DAB2IP: variants seen among roughly 807,000 people sequenced by gnomAD.
DAB2IP encodes disabled homolog 2-interacting protein.
DAB2IP carries 28 observed loss-of-function variants against 107.2 expected under a neutral mutation model. That is an observed-to-expected ratio of 0.26 (90% CI 0.19 to 0.36). The LOEUF (loss-of-function observed/expected upper bound fraction) is 0.36, where lower values mean the gene tolerates loss of function less well. Among genes scored for constraint, DAB2IP ranks in the 10% least tolerant of loss-of-function variants. DAB2IP has a pLI of 1.00. For synonymous variants in DAB2IP, 755 were observed against 706.4 expected (o/e 1.07, Z -1.09); for missense variants, 1,400 against 1,644.7 (o/e 0.85, Z 2.57).
chr9:121,706,362 AG>A (rs1199971905), intron 3 of DAB2IP, among the ~76,000 whole-genome samples: 2 of 152,112 alleles, frequency 1.3e-5, no homozygotes, highest in Non-Finnish European at 2.9e-5. Flanking sequence ...CTATCGCTGC[AG>A]GGAAGCCACC....
intron 1 of DAB2IP, among the ~76,000 whole-genome samples, chr9:121,641,861 T>TTTTC (rs529991056): frequency 7.0e-6 from 1 of 142,822 alleles, no homozygotes. Context: ...TCTTTCTTTC[T>TTTTC]TTTCTTTCTT....
intron 2 of DAB2IP, among the ~76,000 whole-genome samples, chr9:121,686,537 T>C (rs1828887504): frequency 6.6e-6 from 1 of 152,222 alleles, no homozygotes; most frequent in Non-Finnish European, 1.5e-5. Flanking sequence ...ATGCTCTCTG[T>C]GGGGGCCTTT....
At chr9:121,732,565 G>A (rs1364473921) in intron 3 of DAB2IP, among the ~76,000 whole-genome samples, 1 of 152,156 alleles carries the variant, frequency 6.6e-6, no homozygotes, top group African/African-American at 2.4e-5. Context: ...GAGGAAGGGA[G>A]TAGGGAGGCT....
At chr9:121,659,559 C>T (rs1204504012) in intron 1 of DAB2IP, among the ~76,000 whole-genome samples, 2 of 152,004 alleles carry the variant, frequency 1.3e-5, no homozygotes, top group Non-Finnish European at 2.9e-5. Flanking sequence ...TTTGGGAGGC[C>T]GAGGTGGGCG....
At chr9:121,682,227 C>T (rs1031712366) in intron 2 of DAB2IP, among the ~76,000 whole-genome samples, 2 of 152,228 alleles carry the variant, frequency 1.3e-5, no homozygotes, top group African/African-American at 4.8e-5. Context: ...GACTTTTGCT[C>T]TGTGTAGACC....
In DAB2IP at chr9:121,736,847, C is replaced by T. The variant is rs1341319258; in HGVS notation, c.363-20166C>T. Among the ~76,000 whole-genome samples, 1 of 152,222 alleles carries T rather than the reference C, an allele frequency of 6.6e-6. No homozygotes were observed. The highest frequency in any genetic ancestry group is 1.5e-5 in the Non-Finnish European group (1 of 68,046). On this transcript the variant is annotated intron_variant, in intron 3 of 15. Coordinates refer to ENST00000408936, the Ensembl canonical transcript of DAB2IP. The surrounding 1 kb of genome is among the most constrained non-coding windows in gnomAD (Gnocchi z 4.6). ...GCTGGGCTTACCGGGGCGTGCAGGT[C>T]CCTGTTCTCGTGGACCGGACATTTT... is the stretch of plus-strand genomic sequence containing the variant.
intron 3 of DAB2IP, chr9:121,737,757 G>A (rs1354503379): frequency 1.0e-6 from 1 of 985,338 alleles, no homozygotes; most frequent in East Asian, 1.1e-4. Context: ...GACACCACAA[G>A]GAAACTTCCT....
At chr9:121,728,040 G>A (rs1010924116) in intron 3 of DAB2IP, among the ~76,000 whole-genome samples, 21 of 152,134 alleles carry the variant, frequency 1.4e-4, no homozygotes, top group African/African-American at 5.1e-4. Context: ...TCTTTTTTGG[G>A]CTCAGGGCAT....
intron 2 of DAB2IP, among the ~76,000 whole-genome samples, chr9:121,685,679 T>A (rs1828840071): frequency 2.0e-5 from 3 of 152,256 alleles, no homozygotes; most frequent in Non-Finnish European, 4.4e-5. Flanking sequence ...TTCGATAAAT[T>A]TGCCATCATC....
At chr9:121,763,693 C>T (rs775260570) in intron 7 of DAB2IP, 42 bp from the exon 8 acceptor site, 81 of 1,611,854 alleles carry the variant, frequency 5.0e-5, no homozygotes, top group Middle Eastern at 1.7e-4. Context: ...GGGCAGGGCC[C>T]GCCAGGTCCT....
intron 1 of DAB2IP, among the ~76,000 whole-genome samples, chr9:121,580,940 T>C (rs1325496987): frequency 2.6e-5 from 4 of 152,076 alleles, no homozygotes; most frequent in Non-Finnish European, 5.9e-5. Flanking sequence ...TCTAAGAACT[T>C]TGAGTGATTC....
rs562287298 is a variant in DAB2IP at position 121,662,538 on chromosome 9, A to G, written c.124+10639A>G. 1.3e-5 allele frequency among the ~76,000 whole-genome samples: 2 copies of G among 152,342 alleles called. No individual in the cohort carries two copies. Among genetic ancestry groups the G allele is most frequent in the East Asian group, 1.9e-4 (1 of 5,188 alleles). On this transcript the variant is annotated intron_variant, in intron 1 of 15. Coordinates refer to ENST00000408936, the Ensembl canonical transcript of DAB2IP. The surrounding 1 kb of genome is among the most constrained non-coding windows in gnomAD (Gnocchi z 4.6). ...TGTCTATAGCTGCTTTCACGCTACA[A>G]TGGCAGAGTTGAATAGCTGAGACAG...
At chr9:121,663,267 G>A (rs777511580) in intron 1 of DAB2IP, among the ~76,000 whole-genome samples, 2 of 152,158 alleles carry the variant, frequency 1.3e-5, no homozygotes, top group Non-Finnish European at 2.9e-5. Flanking sequence ...GACTATTAAC[G>A]CGGCCAACCA....
chr9:121,669,212 G>A (rs1487746338), intron 1 of DAB2IP, among the ~76,000 whole-genome samples: 2 of 152,108 alleles, frequency 1.3e-5, no homozygotes, highest in Admixed American at 6.5e-5. Context: ...GATTACAGGC[G>A]TGAGCTACCG....
chr9:121,726,870 CT>C (rs1831262740), intron 3 of DAB2IP, among the ~76,000 whole-genome samples: 1 of 152,154 alleles, frequency 6.6e-6, no homozygotes, highest in East Asian at 1.9e-4. Context: ...GGAAGGGTCT[CT>C]TTCCCCACCC....
At chr9:121,644,288 GGAAA>G (rs1244170891) in intron 1 of DAB2IP, among the ~76,000 whole-genome samples, 3 of 151,586 alleles carry the variant, frequency 2.0e-5, no homozygotes, top group African/African-American at 4.8e-5. Flanking sequence ...AGAGAAAGAA[GGAAA>G]GAAAGAAAAG....
At chr9:121,705,325 T>C (rs551548684) in intron 3 of DAB2IP, among the ~76,000 whole-genome samples, 3 of 152,362 alleles carry the variant, frequency 2.0e-5, no homozygotes, top group South Asian at 2.1e-4. Context: ...AATGTCCTTA[T>C]ACATGTCTGT....
chr9:121,776,158 G>A lies in DAB2IP; in HGVS notation c.3121-40G>A. 1 of 1,552,710 alleles carries A rather than the reference G, an allele frequency of 6.4e-7. No individual in the cohort carries two copies. The highest frequency in any genetic ancestry group is 1.4e-5 in the African/African-American group (1 of 73,328). ...GGGCTGACGAAGCTGTGCTCTCTGT[G>A]TCCTGGGTGCTGTGCCCGTGGACGC... On this transcript the variant is annotated intron_variant, in intron 13 of 15. Transcript: ENST00000408936. The surrounding 1 kb of genome is among the most constrained non-coding windows in gnomAD (Gnocchi z 5.4).
intron 3 of DAB2IP, among the ~76,000 whole-genome samples, chr9:121,733,187 C>T (rs1216787802): frequency 6.6e-6 from 1 of 152,230 alleles, no homozygotes; most frequent in African/African-American, 2.4e-5. Context: ...GTCTCTGGCC[C>T]TGTACCTGTT....
Sources: gnomAD v4.1 joint callset for allele counts (sites outside exome capture counted in the v4.1 genomes callset) on GRCh38, gnomAD v4.1.1 for gene constraint, Gnocchi (gnomAD v3.1) non-coding constraint, MANE v1.5 for transcripts, NCBI Gene and HGNC (gene_info 2026-07-23, HGNC 2026-07-21) for gene names.